Variants in SLCO1A2 observed in about 807,000 individuals in gnomAD.
SLCO1A2 encodes OATP-1.
Under a neutral mutation model 69.0 loss-of-function variants are expected in SLCO1A2, and 67 were observed. That is an observed-to-expected ratio of 0.97 (90% confidence interval 0.80 to 1.19). SLCO1A2 has a LOEUF of 1.19. SLCO1A2 is among the 50% of genes most tolerant of loss of function. The pLI is 0.00. For synonymous variants in SLCO1A2, 260 were observed against 265.9 expected (o/e 0.98, Z 0.22); for missense variants, 787 against 793.7 (o/e 0.99, Z 0.10).
Position 21,376,409 on chromosome 12 carries a change from C to T in SLCO1A2, c.-189-1884G>A, listed in dbSNP as rs1357289918. On this transcript the variant is annotated intron_variant, in intron 1 of 15. Transcript: ENST00000307378. ...ATGCAAATGTATGAAATTACTAGTT[C>T]AATCCTTAAAGCATAAATCACTCTT... 4 of 259,124 alleles carry T rather than the reference C, an allele frequency of 1.5e-5. No individual in the cohort carries two copies. In the East Asian group the frequency reaches 4.8e-4, roughly 31 times the overall value. The allele number at this position is 259,124 out of a possible 1,614,324, so 16.1% of individuals were successfully genotyped here. A position where few individuals can be genotyped will look rare whatever the true frequency, so the allele number is the denominator to read the frequency against.
At chr12:21,288,018 A>T (rs947168210) in intron 12 of SLCO1A2, among the ~76,000 whole-genome samples, 8 of 151,508 alleles carry the variant, frequency 5.3e-5, no homozygotes, top group Admixed American at 3.9e-4. Flanking sequence ...TAATAAAAAA[A>T]AAAAAAAAAA....
intron 2 of SLCO1A2, among the ~76,000 whole-genome samples, chr12:21,321,842 C>T (rs12298237): frequency 0.02 from 3,084 of 152,194 alleles, 85 homozygotes; most frequent in African/African-American, 0.068. Flanking sequence ...ATCTTCCCAC[C>T]CTACTGTGTG....
chr12:21,388,751 C>T (rs566283009), intron 1 of SLCO1A2, among the ~76,000 whole-genome samples: 22 of 151,920 alleles, frequency 1.4e-4, no homozygotes, highest in African/African-American at 5.1e-4. Context: ...AATATTATGC[C>T]ACTTCACTAC....
rs1052370857 is a variant in SLCO1A2 at position 21,264,757 on chromosome 12, A to G, written c.*4791T>C. The G allele has an allele frequency of 4.6e-5, 7 of 152,194 alleles. No homozygotes were observed. The highest frequency in any genetic ancestry group is 1.4e-4 in the African/African-American group (6 of 41,442). 9.4% of individuals were successfully genotyped at this position (152,194 alleles called of 1,614,324 possible). On this transcript the variant is annotated 3_prime_UTR_variant, in exon 15 of 15. Coordinates refer to ENST00000683939, the MANE Select transcript of SLCO1A2 (RefSeq NM_001386879.1). ...GGAAAGGTTGCCCCTTCTGGATTTC[A>G]TGACCTTTCTTAAGGGTAAGAAGAC...
intron 1 of SLCO1A2, among the ~76,000 whole-genome samples, chr12:21,414,601 C>T (rs1332806455): frequency 6.6e-6 from 1 of 152,034 alleles, no homozygotes; most frequent in Non-Finnish European, 1.5e-5. Flanking sequence ...GTAAATGTCT[C>T]ACACTTTCTT....
At chr12:21,303,682 A>C (rs771455075) in intron 6 of SLCO1A2, among the ~76,000 whole-genome samples, 29 of 152,234 alleles carry the variant, frequency 1.9e-4, no homozygotes, top group African/African-American at 6.3e-4. Context: ...AAGGCAGCAC[A>C]AGAAGGTGGG....
chr12:21,415,788 A>G (rs891284729), intron 1 of SLCO1A2, among the ~76,000 whole-genome samples: 9 of 152,020 alleles, frequency 5.9e-5, no homozygotes, highest in African/African-American at 2.2e-4. Flanking sequence ...ACATTCTGTA[A>G]GCTCTTTCAA....
Position 21,264,928 on chromosome 12 carries a change from G to T in SLCO1A2, c.*4620C>A, listed in dbSNP as rs1462448787. Reference sequence around the variant, plus strand: ...GGTGTGGGGAATGGTGACAATGGAGGCACTGCCCATCTTCCCATGACTCTC... The same window carrying T: ...GGTGTGGGGAATGGTGACAATGGAGTCACTGCCCATCTTCCCATGACTCTC... On this transcript the variant is annotated 3_prime_UTR_variant, in exon 15 of 15. Coordinates refer to ENST00000683939, the MANE Select transcript of SLCO1A2 (RefSeq NM_001386879.1). 1.3e-5 allele frequency: 2 copies of T among 152,516 alleles called. No individual in the cohort carries two copies. Among genetic ancestry groups the T allele is most frequent in the Non-Finnish European group, 1.5e-5 (1 of 68,288 alleles). 9.4% of individuals were successfully genotyped at this position (152,516 alleles called of 1,614,324 possible).
chr12:21,311,989 A>G lies in SLCO1A2; in HGVS notation c.335+2560T>C, dbSNP rs12833802. Among the ~76,000 whole-genome samples, 1,233 of 150,044 alleles carry G rather than the reference A, an allele frequency of 8.2e-3. 4 individuals are homozygous for G. The highest frequency in any genetic ancestry group is 0.021 in the Middle Eastern group (6 of 292). On this transcript the variant is annotated intron_variant, in intron 4 of 14. Coordinates refer to ENST00000683939, the MANE Select transcript of SLCO1A2 (RefSeq NM_001386879.1). ...AGAAGAAGAAGGAGGAGGAGGAGGA[A>G]GAGGAGGAGGAGGAGAAGAAGAGGA...
chr12:21,363,070 AC>A (rs1309594404), intron 2 of SLCO1A2, among the ~76,000 whole-genome samples: 2 of 152,220 alleles, frequency 1.3e-5, no homozygotes, highest in Admixed American at 1.3e-4. Context: ...AGAACTCTCC[AC>A]CCCAAAACAA....
At chr12:21,360,911 C>G (rs1938807556) in intron 2 of SLCO1A2, among the ~76,000 whole-genome samples, 1 of 152,132 alleles carries the variant, frequency 6.6e-6, no homozygotes, top group African/African-American at 2.4e-5. Context: ...GTGGAGCCCA[C>G]CGCAGCTCAA....
At chr12:21,394,288 T>C (rs1161562338) in intron 1 of SLCO1A2, among the ~76,000 whole-genome samples, 1 of 152,084 alleles carries the variant, frequency 6.6e-6, no homozygotes, top group African/African-American at 2.4e-5. Context: ...TCCCAGCACT[T>C]TGGTAGGCCA....
chr12:21,297,731 A>C (rs1318461522), intron 8 of SLCO1A2, among the ~76,000 whole-genome samples, 163 bp from the exon 9 acceptor site: 3 of 152,132 alleles, frequency 2.0e-5, no homozygotes, highest in Non-Finnish European at 4.4e-5. Context: ...AAGTCATAGC[A>C]ATGTTTTGGT....
intron 14 of SLCO1A2, among the ~76,000 whole-genome samples, chr12:21,271,754 T>C (rs1017753201): frequency 6.7e-6 from 1 of 148,258 alleles, no homozygotes; most frequent in African/African-American, 2.4e-5. Context: ...ACATATGTAA[T>C]ATAGCTATAC....
At chr12:21,362,847 A>G (rs1225732114) in intron 2 of SLCO1A2, among the ~76,000 whole-genome samples, 1 of 152,234 alleles carries the variant, frequency 6.6e-6, no homozygotes, top group African/African-American at 2.4e-5. Flanking sequence ...AGAGCTAACT[A>G]TCCTAAATAT....
At chr12:21,400,523 C>T (rs11046016) in intron 1 of SLCO1A2, among the ~76,000 whole-genome samples, 34,580 of 150,254 alleles carry the variant, frequency 0.23, 4,665 homozygotes, top group Admixed American at 0.32. Flanking sequence ...CATCCCATTA[C>T]TGGGTATATA....
intron 2 of SLCO1A2, among the ~76,000 whole-genome samples, chr12:21,331,673 A>G (rs2136944898): frequency 6.6e-6 from 1 of 152,182 alleles, no homozygotes; most frequent in Non-Finnish European, 1.5e-5. Flanking sequence ...ACCCTGGCTC[A>G]AGACTGCTGT....
intron 1 of SLCO1A2, chr12:21,380,035 T>C (rs1001901326): frequency 5.9e-5 from 9 of 152,196 alleles, no homozygotes; most frequent in Non-Finnish European, 1.2e-4. Context: ...ACCCAATATT[T>C]CAAATTGAAT....
upstream of SLCO1A2, among the ~76,000 whole-genome samples, chr12:21,395,815 C>G (rs368758769): frequency 7.8e-4 from 119 of 152,134 alleles, no homozygotes; most frequent in Non-Finnish European, 9.6e-4. Flanking sequence ...TGAGGGTCCT[C>G]TCTGTTGGAA....
Sources: gnomAD v4.1 joint callset for allele counts (sites outside exome capture counted in the v4.1 genomes callset) on GRCh38, gnomAD v4.1.1 for gene constraint, MANE v1.5 for transcripts, NCBI Gene and HGNC (gene_info 2026-07-23, HGNC 2026-07-21) for gene names.